Variants in ARFGEF3 observed in about 807,000 individuals in gnomAD.
ARFGEF3 encodes the protein ARFGEF family member 3.
A neutral mutation model predicts 221.7 loss-of-function variants in ARFGEF3; 96 were observed. The ratio of observed to expected loss-of-function variants is 0.43; its 90% CI spans 0.37 to 0.51. The LOEUF is 0.51. Among genes scored for constraint, ARFGEF3 ranks in the 20% least tolerant of loss-of-function variants. ARFGEF3 has a pLI of 0.00. For missense variants in ARFGEF3, 2,410 were observed against 2,789.9 expected (o/e 0.86, Z 3.07); for synonymous variants, 1,145 against 1,126.8 (o/e 1.02, Z -0.32).
intron 2 of ARFGEF3, among the ~76,000 whole-genome samples, chr6:138,189,606 C>T (rs1238340280): frequency 1.3e-5 from 2 of 152,124 alleles, no homozygotes; most frequent in Non-Finnish European, 2.9e-5. Context: ...TTTCCAATGT[C>T]GTTAAGTGTT....
At position 138,198,219 on chromosome 6, in the gene ARFGEF3, A is replaced by G. The variant is rs150913775; in HGVS notation, c.138-8823A>G. Among the ~76,000 whole-genome samples the G allele has an allele frequency of 2.2e-4, 34 of 152,340 alleles. No individual in the cohort carries two copies. In the East Asian group the frequency reaches 5.0e-3, roughly 22 times the overall value. ...TCTGACCTACACAAATGCCAATTTC[A>G]TATGCTCAACTTAATAATTGCAATA... is the stretch of plus-strand genomic sequence containing the variant. On this transcript the variant is annotated intron_variant, in intron 2 of 33. Transcript: ENST00000251691.
chr6:138,269,382 G>A (rs1778956549), intron 12 of ARFGEF3, among the ~76,000 whole-genome samples: 1 of 152,206 alleles, frequency 6.6e-6, no homozygotes, highest in Non-Finnish European at 1.5e-5. Context: ...CTCAAAAGAT[G>A]GCAAATACAA....
At chr6:138,279,801 G>A (rs1457569053) in intron 13 of ARFGEF3, among the ~76,000 whole-genome samples, 198 bp from the exon 14 acceptor site, 2 of 152,164 alleles carry the variant, frequency 1.3e-5, no homozygotes, top group African/African-American at 4.8e-5. Context: ...TCTGTCAAAA[G>A]GTGTCATCAG....
intron 4 of ARFGEF3, among the ~76,000 whole-genome samples, chr6:138,220,485 A>T (rs1356448978): frequency 6.6e-6 from 1 of 152,090 alleles, no homozygotes; most frequent in Non-Finnish European, 1.5e-5. Context: ...TATGTTCTGG[A>T]TGAAAGAGAA....
chr6:138,325,490 C>A (rs555893861), intron 31 of ARFGEF3, among the ~76,000 whole-genome samples: 9 of 152,308 alleles, frequency 5.9e-5, no homozygotes, highest in African/African-American at 1.9e-4. Flanking sequence ...CCACTGAAGC[C>A]TCCGTGGCCA....
At chr6:138,228,093 A>C (rs936019578) in intron 4 of ARFGEF3, among the ~76,000 whole-genome samples, 4 of 152,128 alleles carry the variant, frequency 2.6e-5, no homozygotes, top group Admixed American at 6.5e-5. Context: ...GTCATGAAAC[A>C]AAAGAAAGCT....
Position 138,197,926 on chromosome 6 carries a change from T to C in ARFGEF3, c.138-9116T>C, listed in dbSNP as rs571435128. On this transcript the variant is annotated intron_variant, in intron 2 of 33. Transcript: ENST00000251691. Reference sequence around the variant, plus strand: ...ATGGAAAGTATAAAAAAAGAAAAAATTCTCCCATGCCACTATCTGGAAATA... The same window carrying C: ...ATGGAAAGTATAAAAAAAGAAAAAACTCTCCCATGCCACTATCTGGAAATA... Among the ~76,000 whole-genome samples the C allele has an allele frequency of 5.9e-5, 9 of 152,238 alleles. No homozygotes were observed. The East Asian group carries it at 1.7e-3, about 29-fold the overall frequency.
At chr6:138,197,686 C>T (rs575897887) in intron 2 of ARFGEF3, among the ~76,000 whole-genome samples, 8 of 152,266 alleles carry the variant, frequency 5.3e-5, no homozygotes, top group African/African-American at 1.9e-4. Flanking sequence ...CATTGTGCGG[C>T]ACATGACTGT....
intron 19 of ARFGEF3, 111 bp from the exon 20 acceptor site, chr6:138,293,882 G>T (rs1779459189): frequency 1.9e-6 from 2 of 1,064,500 alleles, no homozygotes; most frequent in Non-Finnish European, 2.8e-6. Flanking sequence ...TGTCTACAGT[G>T]TTTACACAGC....
intron 20 of ARFGEF3, among the ~76,000 whole-genome samples, chr6:138,295,833 T>C (rs1583054561): frequency 6.6e-6 from 1 of 152,166 alleles, no homozygotes; most frequent in African/African-American, 2.4e-5. Flanking sequence ...TGACCTCATG[T>C]GATAGGTCAC....
chr6:138,242,931 T>C (rs370596726), intron 6 of ARFGEF3, 21 bp from the exon 7 acceptor site: 2 of 1,599,644 alleles, frequency 1.3e-6, no homozygotes, highest in Non-Finnish European at 1.7e-6. Context: ...CCTAATTGTG[T>C]GTGTGTATCT....
chr6:138,238,309 A>G (rs1778332269), intron 5 of ARFGEF3, among the ~76,000 whole-genome samples, 200 bp from the exon 6 acceptor site: 1 of 152,212 alleles, frequency 6.6e-6, no homozygotes, highest in Non-Finnish European at 1.5e-5. Context: ...CCTTAGGGAA[A>G]TATTACTTTT....
chr6:138,195,229 C>G (rs749296931), intron 2 of ARFGEF3, among the ~76,000 whole-genome samples: 8 of 151,910 alleles, frequency 5.3e-5, no homozygotes, highest in Non-Finnish European at 1.0e-4. Context: ...GTCTTGAACT[C>G]CTGACCTCAG....
chr6:138,177,440 A>T (rs1776976888), intron 2 of ARFGEF3, among the ~76,000 whole-genome samples: 1 of 152,070 alleles, frequency 6.6e-6, no homozygotes, highest in African/African-American at 2.4e-5. Flanking sequence ...TAGACAGTCT[A>T]ATTATAATAT....
intron 32 of ARFGEF3, among the ~76,000 whole-genome samples, chr6:138,331,980 G>C (rs151170011): frequency 3.5e-4 from 53 of 152,004 alleles, no homozygotes; most frequent in Non-Finnish European, 6.9e-4. Flanking sequence ...ATGGTTAACA[G>C]CTGTATCTCT....
At chr6:138,296,075 C>T (rs1779513422) in intron 20 of ARFGEF3, among the ~76,000 whole-genome samples, 1 of 152,158 alleles carries the variant, frequency 6.6e-6, no homozygotes, top group Non-Finnish European at 1.5e-5. Context: ...CCCCGCCCCC[C>T]ATAGTTTCTC....
chr6:138,202,319 G>A (rs892884541), intron 2 of ARFGEF3, among the ~76,000 whole-genome samples: 2 of 152,010 alleles, frequency 1.3e-5, no homozygotes, highest in Non-Finnish European at 2.9e-5. Context: ...TATAAATTTC[G>A]TCCTGAGACC....
chr6:138,244,587 G>A (rs1276368513), intron 7 of ARFGEF3, among the ~76,000 whole-genome samples: 1 of 152,182 alleles, frequency 6.6e-6, no homozygotes, highest in East Asian at 1.9e-4. Flanking sequence ...TTTGGTTCTA[G>A]TTGCTGGAAA....
intron 5 of ARFGEF3, among the ~76,000 whole-genome samples, chr6:138,234,813 T>C (rs139860420): frequency 0.012 from 1,791 of 152,326 alleles, 20 homozygotes; most frequent in Admixed American, 0.023. Context: ...GTTGAAAATA[T>C]ACTAGCTCAC....
Sources: allele counts gnomAD v4.1 joint callset (sites outside exome capture counted in the v4.1 genomes callset), GRCh38; gene constraint gnomAD v4.1.1; transcripts MANE v1.5; gene names NCBI Gene and HGNC (gene_info 2026-07-23, HGNC 2026-07-21).